ANAPC1: variants seen among roughly 807,000 people sequenced by gnomAD.
ANAPC1 encodes anaphase-promoting complex subunit 1.
ANAPC1 carries 36 observed loss-of-function variants against 208.0 expected under a neutral mutation model. The ratio of observed to expected loss-of-function variants is 0.17; its 90% CI spans 0.13 to 0.23. The LOEUF (loss-of-function observed/expected upper bound fraction) is 0.23, where lower values mean the gene tolerates loss of function less well. Among genes scored for constraint, ANAPC1 ranks in the 10% least tolerant of loss-of-function variants. The pLI, the probability that ANAPC1 is intolerant of heterozygous loss-of-function variation, is 1.00. For missense variants in ANAPC1, 942 were observed against 2,011.6 expected (o/e 0.47, Z 10.17); for synonymous variants, 378 against 695.2 (o/e 0.54, Z 7.18).
At chr2:111,862,727 T>C (rs983583855) in intron 9 of ANAPC1, 129 bp from the exon 10 acceptor site, 4 of 1,309,878 alleles carry the variant, frequency 3.1e-6, no homozygotes, top group South Asian at 1.8e-5. Context: ...GGTCAGAAAT[T>C]AAAATTTTTC....
chr2:111,845,177 A>G (rs1252715098), intron 16 of ANAPC1, among the ~76,000 whole-genome samples: 1 of 152,110 alleles, frequency 6.6e-6, no homozygotes, highest in African/African-American at 2.4e-5. Flanking sequence ...CTCCACATCA[A>G]TTATAGCACT....
chr2:111,789,885 T>C (rs1677782916), intron 38 of ANAPC1, among the ~76,000 whole-genome samples: 2 of 151,942 alleles, frequency 1.3e-5, no homozygotes, highest in East Asian at 1.9e-4. Context: ...GAGGCTCATT[T>C]TGAAAGGAAA....
intron 18 of ANAPC1, among the ~76,000 whole-genome samples, chr2:111,837,967 C>T (rs1680560328): frequency 6.6e-6 from 1 of 151,682 alleles, no homozygotes; most frequent in Non-Finnish European, 1.5e-5. Context: ...CGCCTGTAAT[C>T]CCAGCTATTC....
chr2:111,874,363 T>C (rs1402488892), intron 3 of ANAPC1, among the ~76,000 whole-genome samples: 2 of 152,136 alleles, frequency 1.3e-5, no homozygotes, highest in East Asian at 1.9e-4. Flanking sequence ...GCTTGTACAA[T>C]ACTGCACATT....
chr2:111,874,354 C>T (rs140964208), intron 3 of ANAPC1, among the ~76,000 whole-genome samples: 2,871 of 152,120 alleles, frequency 0.019, 76 homozygotes, highest in African/African-American at 0.066. Context: ...AATTTGTGAG[C>T]TTGTACAATA....
intron 14 of ANAPC1, among the ~76,000 whole-genome samples, chr2:111,850,253 T>C (rs1681315336): frequency 6.7e-6 from 1 of 149,090 alleles, no homozygotes; most frequent in Non-Finnish European, 1.5e-5. Context: ...CACTAAAAAA[T>C]GTTCCACATT....
chr2:111,855,812 AT>A (rs1681679833), intron 13 of ANAPC1, among the ~76,000 whole-genome samples: 1 of 152,194 alleles, frequency 6.6e-6, no homozygotes, highest in Admixed American at 6.5e-5. Context: ...GCAATATTCT[AT>A]TTCTTAACCA....
chr2:111,791,648 A>C (rs1012805374), intron 38 of ANAPC1, among the ~76,000 whole-genome samples: 1 of 151,962 alleles, frequency 6.6e-6, no homozygotes, highest in Admixed American at 6.6e-5. Context: ...AGTAAAGTGC[A>C]AAAGGATACA....
chr2:111,813,594 A>T (rs1369922433), intron 28 of ANAPC1, among the ~76,000 whole-genome samples: 1 of 150,098 alleles, frequency 6.7e-6, no homozygotes, highest in Non-Finnish European at 1.5e-5. Flanking sequence ...AGAAGCCATC[A>T]TTAATAACCT....
At chr2:111,829,206 C>A (rs1429320390) in intron 21 of ANAPC1, among the ~76,000 whole-genome samples, 2 of 152,096 alleles carry the variant, frequency 1.3e-5, no homozygotes, top group Middle Eastern at 3.4e-3. Context: ...AGAGTGACTC[C>A]GTCTCAAGAA....
intron 38 of ANAPC1, 24 bp from the exon 39 acceptor site, chr2:111,788,344 C>A: frequency 6.2e-7 from 1 of 1,612,788 alleles, no homozygotes. Context: ...TCGGTGGGGA[C>A]AGATGTTATT....
Position 111,833,246 on chromosome 2 carries a change from G to A in ANAPC1, c.2450C>T (p.Thr817Ile). 3 of 1,600,822 alleles carry A rather than the reference G, an allele frequency of 1.9e-6. No homozygotes were observed. Among genetic ancestry groups the A allele is most frequent in the Non-Finnish European group, 2.6e-6 (3 of 1,169,658 alleles). ...TGGATCAATTGTGCACACTTGTCCAGTAGTTCTGACAAGCGTTGGGTAGTC... is the reference window on the plus strand; with the variant it reads ...TGGATCAATTGTGCACACTTGTCCAATAGTTCTGACAAGCGTTGGGTAGTC... ...YRDYPTLVRT[T>I]GQVCTIDPGQ... Residue 817 changes from threonine (T) to isoleucine (I), a missense_variant, in exon 20 of 48, where the codon ACT becomes ATT. By Grantham distance (89) the Thr-to-Ile change is moderately conservative. Coordinates refer to ENST00000341068, the MANE Select transcript of ANAPC1 (RefSeq NM_022662.4).
chr2:111,879,806 A>T (rs1683203107), intron 2 of ANAPC1, among the ~76,000 whole-genome samples: 1 of 151,992 alleles, frequency 6.6e-6, no homozygotes, highest in Non-Finnish European at 1.5e-5. Context: ...CAGGAGGCAG[A>T]GGTTGCGGTG....
At chr2:111,821,788 G>A (rs1050126578) in intron 25 of ANAPC1, 2 of 291,172 alleles carry the variant, frequency 6.9e-6, no homozygotes, top group Non-Finnish European at 6.6e-6. Context: ...GGAGAGTAAT[G>A]AAATAATTTA....
At chr2:111,879,977 T>C (rs996266257) in intron 2 of ANAPC1, among the ~76,000 whole-genome samples, 4 of 152,190 alleles carry the variant, frequency 2.6e-5, no homozygotes, top group Non-Finnish European at 5.9e-5. Context: ...ATCTCTACCA[T>C]TTAATCATTA....
chr2:111,857,868 A>T (rs1187643248), intron 11 of ANAPC1, among the ~76,000 whole-genome samples: 1 of 152,232 alleles, frequency 6.6e-6, no homozygotes, highest in East Asian at 1.9e-4. Flanking sequence ...TTACATAGCA[A>T]TAGGTATGAA....
rs908553180 is a variant in ANAPC1, at chr2:111,832,937, C to CAAAAAAAAAAAAAAAAA, written c.2476+266_2476+282dup. On this transcript the variant is annotated intron_variant, in intron 20 of 47. Transcript: ENST00000341068. The stretch of plus-strand genomic sequence containing the variant: ...TGGGTGACAGAGCGAGACTCAGTCT[C>CAAAAAAAAAAAAAAAAA]AAAAAAAAAAAAAAAAAAAGCATCC... 4.5e-4 allele frequency among the ~76,000 whole-genome samples: 24 copies of CAAAAAAAAAAAAAAAAA among 53,610 alleles called. 2 individuals carry two copies. The highest frequency in any genetic ancestry group is 9.6e-4 in the African/African-American group (15 of 15,592). 35.2% of individuals were successfully genotyped at this position (53,610 alleles called of 152,430 possible). A position where few individuals can be genotyped will look rare whatever the true frequency, so the allele number is the denominator to read the frequency against.
intron 15 of ANAPC1, among the ~76,000 whole-genome samples, 178 bp downstream of exon 15, chr2:111,847,547 G>A (rs1681158385): frequency 6.6e-6 from 1 of 152,158 alleles, no homozygotes. Flanking sequence ...TACAGAAACT[G>A]TAGAAAACAA....
chr2:111,806,011 T>G lies in ANAPC1; in HGVS notation c.3833-118A>C, dbSNP rs2104571207. The G allele has an allele frequency of 1.4e-5, 7 of 497,006 alleles. No homozygotes were observed. The South Asian group carries it at 1.5e-4, about 10-fold the overall frequency. 30.8% of individuals were successfully genotyped at this position (497,006 alleles called of 1,614,324 possible). On this transcript the variant is annotated intron_variant, in intron 29 of 47. Transcript: ENST00000341068. Reference sequence around the variant, plus strand: ...ACATACGAATGGAATATAACTCCATTCAGAAAGTTATGACACTATAATAAA... The same window carrying G: ...ACATACGAATGGAATATAACTCCATGCAGAAAGTTATGACACTATAATAAA...
Sources: gnomAD v4.1 joint callset for allele counts (sites outside exome capture counted in the v4.1 genomes callset) on GRCh38, gnomAD v4.1.1 for gene constraint, MANE v1.5 for transcripts, NCBI Gene and HGNC (gene_info 2026-07-23, HGNC 2026-07-21) for gene names.